Variants in MCF2L observed in about 807,000 individuals in gnomAD.
MCF2L encodes MCF.2 cell line derived transforming sequence like, also known as guanine nucleotide exchange factor DBS.
MCF2L carries 97 observed loss-of-function variants against 153.4 expected under a neutral mutation model. The observed-to-expected ratio is 0.63, with a 90% CI of 0.54 to 0.75. The LOEUF (loss-of-function observed/expected upper bound fraction) is 0.75. MCF2L is among the 30% of genes least tolerant of loss of function. The pLI is 0.00. For synonymous variants in MCF2L, 659 were observed against 632.2 expected, an observed-to-expected ratio of 1.04 and a Z score of -0.64; for missense variants, 1,347 against 1,495.2, an observed-to-expected ratio of 0.90 and a Z score of 1.64.
In MCF2L at chr13:112,960,687, G is replaced by A. The variant is rs566757978; in HGVS notation, c.170-54076G>A. On this transcript the variant is annotated intron_variant, in intron 2 of 29. Transcript: ENST00000375608. This position sits in a 1 kb window ranked among gnomAD's most constrained non-coding sequence, Gnocchi z 4.2. Reference sequence around the variant, plus strand: ...AGGCCAGAAGTTCTAACACCAAGGTGTGAGCAGGGCTAGTCCCTTCTGGAG... The same window carrying A: ...AGGCCAGAAGTTCTAACACCAAGGTATGAGCAGGGCTAGTCCCTTCTGGAG... 2.6e-5 allele frequency among the ~76,000 whole-genome samples: 4 copies of A among 152,288 alleles called. No homozygotes were observed. Among genetic ancestry groups the A allele is most frequent in the African/African-American group, 7.2e-5 (3 of 41,552 alleles).
chr13:112,971,160 G>T (rs1186918448), intron 1 of MCF2L, among the ~76,000 whole-genome samples: 1 of 152,188 alleles, frequency 6.6e-6, no homozygotes, highest in African/African-American at 2.4e-5. Flanking sequence ...CATCATGAGG[G>T]GGTTTATGAT....
In MCF2L at chr13:113,031,276, C is replaced by T. The variant is rs2085704179; in HGVS notation, c.278+6518C>T. On this transcript the variant is annotated intron_variant, in intron 3 of 29. Transcript: ENST00000535094. The surrounding 1 kb of genome is among the most constrained non-coding windows in gnomAD (Gnocchi z 5.5). ...AGAGATAGAGACAGACAGACAGAGACACGGAGACACAGAGATAAAGAGAGC... is the reference window on the plus strand; with the variant it reads ...AGAGATAGAGACAGACAGACAGAGATACGGAGACACAGAGATAAAGAGAGC... 1.3e-5 allele frequency among the ~76,000 whole-genome samples: 2 copies of T among 151,956 alleles called. No individual in the cohort carries two copies. Among genetic ancestry groups the T allele is most frequent in the African/African-American group, 4.8e-5 (2 of 41,332 alleles).
chr13:112,904,273 A>G lies in MCF2L; in HGVS notation c.169+1902A>G, dbSNP rs1401792361. On this transcript the variant is annotated intron_variant, in intron 2 of 29. Transcript: ENST00000375608. This position sits in a 1 kb window ranked among gnomAD's most constrained non-coding sequence, Gnocchi z 4.2. ...CCTCACAACTGAACCAAGTGCTCCT[A>G]TTATTTCTCAACGTACCGAGCTCTC... Among the ~76,000 whole-genome samples, 8 of 152,044 alleles carry G rather than the reference A, an allele frequency of 5.3e-5. No individual in the cohort carries two copies. The East Asian group carries it at 1.4e-3, about 26-fold the overall frequency.
At chr13:113,087,599 C>G in intron 22 of MCF2L, 108 bp from the exon 23 acceptor site, 1 of 1,164,158 alleles carries the variant, frequency 8.6e-7, no homozygotes, top group Admixed American at 2.0e-5. Context: ...ATTCTTAGCC[C>G]TCACCCCCAA....
rs572637037 is a variant in MCF2L, at chr13:112,924,242, G to A, written c.169+21871G>A. Among the ~76,000 whole-genome samples, 605 of 152,194 alleles carry A rather than the reference G, an allele frequency of 4.0e-3. 5 individuals carry two copies. The highest frequency in any genetic ancestry group is 0.013 in the African/African-American group (556 of 41,524). ...CACAACCCCCCCACGATGTGTCGTCGTTAGAGTGCCCCCACACGCAGCTGG... is the reference window on the plus strand; with the variant it reads ...CACAACCCCCCCACGATGTGTCGTCATTAGAGTGCCCCCACACGCAGCTGG... On this transcript the variant is annotated intron_variant, in intron 2 of 29. Transcript: ENST00000375608.
chr13:113,063,840 T>C (rs1411048940), intron 5 of MCF2L: 6 of 413,962 alleles, frequency 1.4e-5, no homozygotes, highest in Non-Finnish European at 2.9e-5. Context: ...TCATCCACTC[T>C]AATTTCAAGA....
intron 1 of MCF2L, among the ~76,000 whole-genome samples, chr13:112,975,535 A>C (rs1566676824): frequency 6.6e-6 from 1 of 152,252 alleles, no homozygotes; most frequent in Admixed American, 6.5e-5. Context: ...AGCACCCAGC[A>C]GGCAGGAAGC....
intron 2 of MCF2L, among the ~76,000 whole-genome samples, chr13:113,021,277 GGTAGCTGTGT>G (rs763627079): frequency 7.0e-5 from 5 of 71,082 alleles, no homozygotes; most frequent in Admixed American, 1.4e-4. Flanking sequence ...TGTGTGTATA[GGTAGCTGTGT>G]GTAGCTGTGT....
At chr13:113,057,044 A>T (rs1594864015) in intron 4 of MCF2L, among the ~76,000 whole-genome samples, 4 of 87,382 alleles carry the variant, frequency 4.6e-5, no homozygotes, top group African/African-American at 1.4e-4. Context: ...GTGGGCGCTG[A>T]GTGTTTGGGT....
intron 2 of MCF2L, among the ~76,000 whole-genome samples, chr13:112,930,446 C>CAATCAT (rs1451942273): frequency 1.3e-5 from 2 of 152,256 alleles, no homozygotes; most frequent in East Asian, 3.9e-4. Flanking sequence ...CTGAAAAGGC[C>CAATCAT]ACAGACTGTA....
chr13:112,929,100 G>A (rs2081436448), intron 2 of MCF2L, among the ~76,000 whole-genome samples: 1 of 152,238 alleles, frequency 6.6e-6, no homozygotes. Flanking sequence ...CAGCGGGGAG[G>A]GAGTGGCACT....
chr13:113,029,745 CT>C (rs2085532136), intron 3 of MCF2L, among the ~76,000 whole-genome samples: 1 of 152,194 alleles, frequency 6.6e-6, no homozygotes, highest in African/African-American at 2.4e-5. Flanking sequence ...GAGCTTGGAC[CT>C]TTTCTTCCAG....
intron 18 of MCF2L, among the ~76,000 whole-genome samples, chr13:113,084,362 C>T (rs1411878756): frequency 6.6e-6 from 1 of 152,152 alleles, no homozygotes; most frequent in Non-Finnish European, 1.5e-5. Context: ...CTTCTGTACC[C>T]CCAGAACCTC....
At chr13:112,898,958 A>AGGGAGCACCGGGCAGGGCCCCCTCCCC (rs1435129449) in intron 1 of MCF2L, among the ~76,000 whole-genome samples, 6 of 151,194 alleles carry the variant, frequency 4.0e-5, no homozygotes, top group Non-Finnish European at 7.4e-5. Context: ...GCCCCCTCCC[A>AGGGAGCACCGGGCAGGGCCCCCTCCCC]GGGAGCACCG....
chr13:112,941,251 G>A lies in MCF2L; in HGVS notation c.169+38880G>A, dbSNP rs1167988121. On this transcript the variant is annotated intron_variant, in intron 2 of 29. Transcript: ENST00000375608. This position sits in a 1 kb window ranked among gnomAD's most constrained non-coding sequence, Gnocchi z 4.9. Reference sequence around the variant, plus strand: ...TCCTGGGATGTGTCCTGTTCACAAAGCCCAGGGTACAGGTCTGTGTGGTGT... The same window carrying A: ...TCCTGGGATGTGTCCTGTTCACAAAACCCAGGGTACAGGTCTGTGTGGTGT... 6.6e-6 allele frequency among the ~76,000 whole-genome samples: 1 copy of A among 151,552 alleles called. No homozygotes were observed. The highest frequency in any genetic ancestry group is 1.5e-5 in the Non-Finnish European group (1 of 67,968).
chr13:112,966,010 TG>T (rs1028882130), upstream of MCF2L: 1 of 152,206 alleles, frequency 6.6e-6, no homozygotes, highest in African/African-American at 2.4e-5. The surrounding 1 kb of genome is among the most constrained non-coding windows in gnomAD (Gnocchi z 4.1). Flanking sequence ...CTGTGTGGCC[TG>T]GGGCAAGTCG....
At position 113,070,304 on chromosome 13, in the gene MCF2L, C is replaced by CTTAAT; in HGVS notation, c.996+131_996+132insTTAAT. 1 of 537,000 alleles carries CTTAAT rather than the reference C, an allele frequency of 1.9e-6. No individual in the cohort carries two copies. Among genetic ancestry groups the CTTAAT allele is most frequent in the Non-Finnish European group, 3.1e-6 (1 of 317,794 alleles). 33.3% of individuals were successfully genotyped at this position (537,000 alleles called of 1,614,324 possible). Reference sequence around the variant, plus strand: ...CTTTGGCTTAATGCAGAAAAGTCTCCGCTTGCCAGGTGGAGCCTGTGAGAT... The same window carrying CTTAAT: ...CTTTGGCTTAATGCAGAAAAGTCTCCTTAATGCTTGCCAGGTGGAGCCTGTGAGAT... On this transcript the variant is annotated intron_variant, in intron 9 of 29. Coordinates refer to ENST00000535094, the MANE Select transcript of MCF2L (RefSeq NM_001112732.3). The surrounding 1 kb of genome is among the most constrained non-coding windows in gnomAD (Gnocchi z 5.6).
intron 1 of MCF2L, among the ~76,000 whole-genome samples, chr13:112,998,293 C>A (rs1365009665): frequency 6.6e-6 from 1 of 152,190 alleles, no homozygotes; most frequent in African/African-American, 2.4e-5. Flanking sequence ...AAACAGCATA[C>A]CAAATACAAC....
In MCF2L at chr13:113,086,198, C is replaced by G. The variant is rs578097205; in HGVS notation, c.2322C>G (p.Ile774Met). The G allele has an allele frequency of 1.2e-6, 2 of 1,611,348 alleles. No individual in the cohort carries two copies. The highest frequency in any genetic ancestry group is 1.7e-5 in the Admixed American group (1 of 59,796). The part of the protein sequence containing the change: ...LQEALSSILG[I>M]LKAVNDSMHL... ...AGGCGCTGAGCTCCATCCTGGGCAT[C>G]CTGAAGGCCGTGAACGACTCCATGC... Residue 774 changes from isoleucine to methionine, a missense_variant, in exon 21 of 30, where the codon ATC becomes ATG. Ile to Met is a conservative substitution (Grantham distance 10, BLOSUM62 1). Transcript: ENST00000535094.
Sources: gnomAD v4.1 joint callset for allele counts (sites outside exome capture counted in the v4.1 genomes callset) on GRCh38, gnomAD v4.1.1 for gene constraint, Gnocchi (gnomAD v3.1) non-coding constraint, MANE v1.5 for transcripts, NCBI Gene and HGNC (gene_info 2026-07-23, HGNC 2026-07-21) for gene names.